VRK2: variants seen among roughly 807,000 people sequenced by gnomAD.
VRK2 encodes the protein serine/threonine-protein kinase VRK2.
A neutral mutation model predicts 57.6 loss-of-function variants in VRK2; 60 were observed. The ratio of observed to expected loss-of-function variants is 1.04; its 90% confidence interval spans 0.85 to 1.29. VRK2 has a LOEUF of 1.29. Among genes scored for constraint, VRK2 ranks in the 50% most tolerant of loss-of-function variants. VRK2 has a pLI of 0.00. For synonymous variants in VRK2, 231 were observed against 199.2 expected (o/e 1.16, Z -1.35); for missense variants, 705 against 588.1 (o/e 1.20, Z -2.06).
At chr2:58,105,637 G>T (rs1428757072) in intron 7 of VRK2, among the ~76,000 whole-genome samples, 1 of 151,566 alleles carries the variant, frequency 6.6e-6, no homozygotes, top group South Asian at 2.1e-4. Flanking sequence ...GTTACATATA[G>T]GCTTTTTTTT....
intron 7 of VRK2, among the ~76,000 whole-genome samples, chr2:58,105,604 T>G (rs576693025): frequency 2.6e-5 from 4 of 151,800 alleles, no homozygotes; most frequent in Admixed American, 6.6e-5. Flanking sequence ...ACCAAAATAT[T>G]TGAGCATCCT....
chr2:57,977,545 C>G (rs979719747), intron 1 of VRK2, among the ~76,000 whole-genome samples: 1 of 144,934 alleles, frequency 6.9e-6, no homozygotes, highest in Non-Finnish European at 1.5e-5. Flanking sequence ...TACAGAAATG[C>G]TACCGATTTT....
Position 58,123,159 on chromosome 2 carries a change from A to G in VRK2, c.602A>G (p.Gln201Arg). ...YRYCPNGNHK[Q>R]YQENPRKGHN... ...TATTGTCCCAATGGGAACCACAAAC[A>G]GTATCAGGAAAATCCTAGAAAAGGC... Residue 201 changes from glutamine to arginine, a missense_variant, in exon 8 of 13, where the codon CAG (glutamine) becomes CGG (arginine). Gln to Arg is a conservative substitution (Grantham distance 43). Coordinates refer to ENST00000340157, the MANE Select transcript of VRK2 (RefSeq NM_006296.7). 6.3e-7 allele frequency: 1 copy of G among 1,595,128 alleles called. No homozygotes were observed.
chr2:57,981,625 T>A (rs934563337), intron 1 of VRK2, among the ~76,000 whole-genome samples: 1 of 152,232 alleles, frequency 6.6e-6, no homozygotes, highest in African/African-American at 2.4e-5. Flanking sequence ...TATTCTAAAA[T>A]ACGTTTTCCA....
intron 7 of VRK2, among the ~76,000 whole-genome samples, chr2:58,095,707 G>A (rs562013722): frequency 2.0e-5 from 3 of 152,144 alleles, no homozygotes; most frequent in Admixed American, 2.0e-4. Flanking sequence ...TATGCAAGTA[G>A]ATACAGTAGT....
intron 1 of VRK2, among the ~76,000 whole-genome samples, chr2:57,963,760 A>G (rs1342487748): frequency 1.3e-5 from 2 of 152,210 alleles, no homozygotes; most frequent in Non-Finnish European, 2.9e-5. Context: ...TTTATAACCA[A>G]TCAATAGTAA....
rs546400700 is a variant in VRK2, at chr2:58,144,578, C to G, written c.1024-1738C>G. On this transcript the variant is annotated intron_variant, in intron 11 of 12. Coordinates refer to ENST00000340157, the MANE Select transcript of VRK2 (RefSeq NM_006296.7). Reference sequence around the variant, plus strand: ...CCCTTTATAACATGGAACACATTTTCACAAGAATTGGTAAGCCAATGTTTT... The same window carrying G: ...CCCTTTATAACATGGAACACATTTTGACAAGAATTGGTAAGCCAATGTTTT... 2.6e-5 allele frequency among the ~76,000 whole-genome samples: 4 copies of G among 152,034 alleles called. No individual in the cohort carries two copies. The South Asian group carries it at 8.3e-4, about 32-fold the overall frequency.
At chr2:57,977,823 C>T (rs1428285038) in intron 1 of VRK2, among the ~76,000 whole-genome samples, 1 of 151,064 alleles carries the variant, frequency 6.6e-6, no homozygotes. Flanking sequence ...ATTCCAGCTT[C>T]TGCTCGTTCA....
intron 6 of VRK2, among the ~76,000 whole-genome samples, chr2:58,088,883 A>C (rs1260288785): frequency 6.6e-6 from 1 of 152,224 alleles, no homozygotes; most frequent in Non-Finnish European, 1.5e-5. Flanking sequence ...CAATGAATAA[A>C]ATATACTTTG....
intron 1 of VRK2, among the ~76,000 whole-genome samples, chr2:57,971,393 T>A (rs1045099141): frequency 3.9e-5 from 6 of 151,994 alleles, no homozygotes; most frequent in African/African-American, 1.4e-4. Context: ...ACCACATTGC[T>A]TGTTTAAACA....
At chr2:57,938,915 A>C (rs955232951) in intron 1 of VRK2, among the ~76,000 whole-genome samples, 4 of 152,166 alleles carry the variant, frequency 2.6e-5, no homozygotes, top group Admixed American at 6.5e-5. Context: ...TGGTTAGTCT[A>C]ACTTTACTCA....
intron 2 of VRK2, among the ~76,000 whole-genome samples, chr2:58,031,947 C>T (rs191270435): frequency 1.9e-4 from 29 of 152,094 alleles, no homozygotes; most frequent in Admixed American, 1.1e-3. Context: ...GTCCATCACA[C>T]AATCAGTGTC....
At chr2:57,960,985 T>C (rs938406257) in intron 1 of VRK2, among the ~76,000 whole-genome samples, 6 of 152,194 alleles carry the variant, frequency 3.9e-5, no homozygotes, top group African/African-American at 1.4e-4. Context: ...TACTGAACAG[T>C]TACTGTGTGC....
At chr2:58,040,505 T>C (rs1674413284) in intron 3 of VRK2, among the ~76,000 whole-genome samples, 1 of 152,170 alleles carries the variant, frequency 6.6e-6, no homozygotes, top group South Asian at 2.1e-4. Flanking sequence ...ATTAAAACAT[T>C]TGTTAGCCCC....
chr2:57,926,823 G>A (rs1168537482), intron 1 of VRK2, among the ~76,000 whole-genome samples: 2 of 150,918 alleles, frequency 1.3e-5, no homozygotes, highest in Non-Finnish European at 3.0e-5. Context: ...GCCACTCTGT[G>A]TTTTTTGATT....
chr2:58,118,767 C>T (rs1676934770), intron 7 of VRK2, among the ~76,000 whole-genome samples: 1 of 152,162 alleles, frequency 6.6e-6, no homozygotes, highest in African/African-American at 2.4e-5. Context: ...TTTATTTCAC[C>T]TGGGTGCAGG....
chr2:58,112,891 T>A (rs1481091094), intron 7 of VRK2, among the ~76,000 whole-genome samples: 1 of 152,170 alleles, frequency 6.6e-6, no homozygotes, highest in Non-Finnish European at 1.5e-5. Flanking sequence ...TTTTAGGTAA[T>A]CTCTTGGAAC....
At chr2:58,099,853 T>A (rs1040345321) in intron 7 of VRK2, among the ~76,000 whole-genome samples, 1 of 152,058 alleles carries the variant, frequency 6.6e-6, no homozygotes, top group Non-Finnish European at 1.5e-5. Flanking sequence ...TTCTAGTGTA[T>A]AAAATATGAG....
At chr2:58,082,944 A>G (rs191162440) in intron 2 of VRK2, among the ~76,000 whole-genome samples, 2 of 151,898 alleles carry the variant, frequency 1.3e-5, no homozygotes, top group East Asian at 1.9e-4. Context: ...AATTTGTGAC[A>G]TATTTATATC....
Sources: allele counts gnomAD v4.1 joint callset (sites outside exome capture counted in the v4.1 genomes callset), GRCh38; gene constraint gnomAD v4.1.1; transcripts MANE v1.5; gene names NCBI Gene and HGNC (gene_info 2026-07-23, HGNC 2026-07-21).